MGMT: variants seen among roughly 807,000 people sequenced by gnomAD.
MGMT encodes O-6-methylguanine-DNA methyltransferase, also known as methylated-DNA--protein-cysteine methyltransferase.
Under a neutral mutation model 15.9 loss-of-function variants are expected in MGMT, and 14 were observed. The ratio of observed to expected loss-of-function variants is 0.88; its 90% confidence interval spans 0.58 to 1.37. The LOEUF (loss-of-function observed/expected upper bound fraction) is 1.37, where lower values mean the gene tolerates loss of function less well. Ranked by LOEUF, MGMT falls within the 40% of genes most tolerant of loss-of-function variation. The pLI is 0.00. For synonymous variants in MGMT, 130 were observed against 118.2 expected (o/e 1.10, Z -0.65); for missense variants, 282 against 268.1 (o/e 1.05, Z -0.36).
intron 1 of MGMT, among the ~76,000 whole-genome samples, chr10:129,497,717 G>T (rs1053931240): frequency 2.0e-5 from 3 of 152,170 alleles, no homozygotes; most frequent in Non-Finnish European, 4.4e-5. Flanking sequence ...CATGGTGATG[G>T]CCTTTGGAGG....
rs368734016 is a variant in MGMT at position 129,564,941 on chromosome 10, G to A, written c.125+28564G>A. The stretch of plus-strand genomic sequence containing the variant: ...TCCCTTCCTCCAGCATGGTGCTGGC[G>A]GATGGCGCCATAAACAGGCTGTCAC... On this transcript the variant is annotated intron_variant, in intron 2 of 4. Transcript: ENST00000651593. Among the ~76,000 whole-genome samples, 237 of 152,176 alleles carry A rather than the reference G, an allele frequency of 1.6e-3. 2 individuals carry two copies. Among genetic ancestry groups the A allele is most frequent in the South Asian group, 9.7e-3 (47 of 4,822 alleles).
At chr10:129,745,380 G>A (rs562689834) in intron 3 of MGMT, among the ~76,000 whole-genome samples, 240 of 149,580 alleles carry the variant, frequency 1.6e-3, no homozygotes, top group South Asian at 0.011. Context: ...CCCCCACGCC[G>A]CCCCCTGGCA....
At chr10:129,588,289 C>A (rs931078282) in intron 2 of MGMT, among the ~76,000 whole-genome samples, 1 of 152,188 alleles carries the variant, frequency 6.6e-6, no homozygotes, top group African/African-American at 2.4e-5. Context: ...TAGCAGAGGA[C>A]TGAGTCCACC....
intron 2 of MGMT, among the ~76,000 whole-genome samples, chr10:129,690,784 G>A (rs964791247): frequency 3.9e-5 from 6 of 152,210 alleles, no homozygotes; most frequent in African/African-American, 1.4e-4. Flanking sequence ...CAGATCGGCT[G>A]GAGCTTGGGA....
At chr10:129,676,622 C>T (rs1589930527) in intron 2 of MGMT, among the ~76,000 whole-genome samples, 1 of 152,250 alleles carries the variant, frequency 6.6e-6, no homozygotes, top group Admixed American at 6.5e-5. Context: ...AAAAAATAAC[C>T]ATTTGATAAT....
rs547468170 is a variant in MGMT at position 129,603,711 on chromosome 10, T to C, written c.125+67334T>C. 3.9e-5 allele frequency among the ~76,000 whole-genome samples: 6 copies of C among 152,366 alleles called. No individual in the cohort carries two copies. The East Asian group carries it at 9.6e-4, about 24-fold the overall frequency. On this transcript the variant is annotated intron_variant, in intron 2 of 4. Coordinates refer to ENST00000651593, the MANE Select transcript of MGMT (RefSeq NM_002412.5). ...CAAATGCCTTTGTTGGCAAGAATAT[T>C]AGGCACACTGCTTCTTGTATGGGCA... is the stretch of plus-strand genomic sequence containing the variant.
intron 3 of MGMT, among the ~76,000 whole-genome samples, chr10:129,732,997 A>G (rs370076090): frequency 3.3e-5 from 5 of 151,854 alleles, no homozygotes; most frequent in East Asian, 1.9e-4. Context: ...TTGCTATTGT[A>G]AATAATGCCG....
At chr10:129,525,425 C>T (rs10741194) in intron 1 of MGMT, among the ~76,000 whole-genome samples, 104,588 of 152,014 alleles carry the variant, frequency 0.69, 37,321 homozygotes, top group Middle Eastern at 0.81. Context: ...GGCATCTTCA[C>T]GTTGGTTTTA....
At chr10:129,587,880 T>TTATG (rs1444764852) in intron 2 of MGMT, among the ~76,000 whole-genome samples, 2 of 152,216 alleles carry the variant, frequency 1.3e-5, no homozygotes. Context: ...TTTTATTCTT[T>TTATG]TATGCTTTTC....
chr10:129,667,681 T>C (rs1847675332), intron 2 of MGMT, among the ~76,000 whole-genome samples: 1 of 152,218 alleles, frequency 6.6e-6, no homozygotes, highest in South Asian at 2.1e-4. Flanking sequence ...GTAATTATTG[T>C]TAGTTTTCCA....
At chr10:129,728,844 A>G (rs551499605) in intron 3 of MGMT, among the ~76,000 whole-genome samples, 1 of 152,060 alleles carries the variant, frequency 6.6e-6, no homozygotes, top group African/African-American at 2.4e-5. Flanking sequence ...CGTCACCAGC[A>G]TCACAAAGGT....
At chr10:129,470,353 C>T (rs143835028) in intron 1 of MGMT, among the ~76,000 whole-genome samples, 158 of 152,252 alleles carry the variant, frequency 1.0e-3, no homozygotes, top group Non-Finnish European at 1.8e-3. Context: ...TGCTGCATAT[C>T]TGCTGGTTGG....
At chr10:129,738,179 C>T (rs1848587740) in intron 3 of MGMT, among the ~76,000 whole-genome samples, 1 of 152,208 alleles carries the variant, frequency 6.6e-6, no homozygotes, top group African/African-American at 2.4e-5. Flanking sequence ...AGTTTGATCT[C>T]AGACTGCTGT....
intron 2 of MGMT, among the ~76,000 whole-genome samples, chr10:129,623,823 A>G (rs888269436): frequency 6.6e-5 from 10 of 152,132 alleles, no homozygotes; most frequent in Non-Finnish European, 1.3e-4. Flanking sequence ...GCCCAGCCTA[A>G]TCTATATAAC....
chr10:129,756,273 C>T (rs1397825471), intron 3 of MGMT, among the ~76,000 whole-genome samples: 5 of 152,124 alleles, frequency 3.3e-5, no homozygotes, highest in African/African-American at 1.2e-4. Context: ...CCACAGAAGC[C>T]CAGCCCAAGG....
chr10:129,644,725 A>T (rs1281344289), intron 2 of MGMT, among the ~76,000 whole-genome samples: 1 of 152,222 alleles, frequency 6.6e-6, no homozygotes, highest in African/African-American at 2.4e-5. Context: ...AGGAAAAAAA[A>T]TAAAGCTATA....
chr10:129,641,728 G>A (rs1847329955), intron 2 of MGMT, among the ~76,000 whole-genome samples: 1 of 152,164 alleles, frequency 6.6e-6, no homozygotes, highest in Admixed American at 6.5e-5. Context: ...ATTATAGTCT[G>A]TGTTATGACA....
At chr10:129,704,175 T>C (rs543222369) in intron 2 of MGMT, among the ~76,000 whole-genome samples, 2 of 152,030 alleles carry the variant, frequency 1.3e-5, no homozygotes, top group East Asian at 2.0e-4. Context: ...GTCTCTGAAA[T>C]TGAATAATAT....
chr10:129,610,441 G>T (rs370760416), intron 2 of MGMT, among the ~76,000 whole-genome samples: 1 of 152,208 alleles, frequency 6.6e-6, no homozygotes, highest in Non-Finnish European at 1.5e-5. Context: ...CAGGGCCTTG[G>T]CATGTGCCTG....
Sources: allele counts gnomAD v4.1 joint callset (sites outside exome capture counted in the v4.1 genomes callset), GRCh38; gene constraint gnomAD v4.1.1; transcripts MANE v1.5; gene names NCBI Gene and HGNC (gene_info 2026-07-23, HGNC 2026-07-21).